WDR47: variants seen among roughly 807,000 people sequenced by gnomAD.
WDR47 encodes the protein WD repeat domain 47, also known as WD repeat-containing protein 47.
Under a neutral mutation model 97.2 loss-of-function variants are expected in WDR47, and 32 were observed. The observed-to-expected ratio is 0.33, with a 90% CI of 0.25 to 0.44. WDR47 has a LOEUF of 0.44. Ranked by LOEUF, WDR47 falls within the 20% of genes least tolerant of loss-of-function variation. The pLI is 1.00. For synonymous variants in WDR47, 375 were observed against 373.5 expected, an observed-to-expected ratio of 1.00 and a Z score of -0.05; for missense variants, 782 against 1,102.3, an observed-to-expected ratio of 0.71 and a Z score of 4.11.
At chr1:108,981,640 T>G (rs1420486339) in intron 13 of WDR47, 93 bp downstream of exon 13, 1 of 1,259,328 alleles carries the variant, frequency 7.9e-7, no homozygotes, top group African/African-American at 1.5e-5. Flanking sequence ...ATTTCACAAT[T>G]TTTTCTATTT....
Position 108,972,820 on chromosome 1 carries a change from G to A in WDR47, c.2618-1248C>T, listed in dbSNP as rs1200624939. Among the ~76,000 whole-genome samples, 6 of 151,892 alleles carry A rather than the reference G, an allele frequency of 4.0e-5. No homozygotes were observed. The South Asian group carries it at 8.3e-4, about 21-fold the overall frequency. On this transcript the variant is annotated intron_variant, in intron 14 of 14. Coordinates refer to ENST00000369962, the MANE Select transcript of WDR47 (RefSeq NM_001142551.2). ...AAATTAGCCAGGTGTGGTGGCGGGC[G>A]CCTGTAGTTCCAGCTACTTGGGAGG...
intron 7 of WDR47, among the ~76,000 whole-genome samples, chr1:108,996,840 A>G (rs1659785045): frequency 6.6e-6 from 1 of 152,188 alleles, no homozygotes. Flanking sequence ...CTCATGGGCC[A>G]GGTGCGGTGA....
chr1:108,973,838 G>A (rs905139730), intron 14 of WDR47, among the ~76,000 whole-genome samples: 24 of 152,016 alleles, frequency 1.6e-4, no homozygotes, highest in Non-Finnish European at 2.9e-5. Context: ...AGCAATAATC[G>A]TGCCACTGCA....
chr1:108,979,905 GGCACCGGGCCACACA>G (rs771904236), intron 13 of WDR47, among the ~76,000 whole-genome samples: 17 of 152,166 alleles, frequency 1.1e-4, no homozygotes, highest in Non-Finnish European at 2.5e-4. Flanking sequence ...TGGCCTGTTA[GGCACCGGGCCACACA>G]GCACGAGGTG....
At chr1:108,974,174 G>A (rs181851408) in intron 14 of WDR47, among the ~76,000 whole-genome samples, 6 of 151,880 alleles carry the variant, frequency 4.0e-5, no homozygotes, top group East Asian at 1.9e-4. Context: ...CAGCCTGGGC[G>A]ACAGAGCGAG....
intron 12 of WDR47, 76 bp from the exon 13 acceptor site, chr1:108,981,940 G>C (rs1416687929): frequency 2.7e-6 from 4 of 1,502,328 alleles, no homozygotes; most frequent in East Asian, 4.8e-5. Flanking sequence ...AAGCACTCTA[G>C]AGTTGGGCAA....
At chr1:109,030,054 C>G in intron 1 of WDR47, 1 of 537,228 alleles carries the variant, frequency 1.9e-6, no homozygotes, top group East Asian at 3.1e-5. Flanking sequence ...GACGACCTAC[C>G]CACAGGAGAA....
At chr1:109,027,420 T>C (rs564386906) in intron 1 of WDR47, among the ~76,000 whole-genome samples, 3 of 152,250 alleles carry the variant, frequency 2.0e-5, no homozygotes, top group East Asian at 1.9e-4. Context: ...CATAGGCACA[T>C]GCTTGATGAC....
chr1:109,016,000 A>C (rs895451916), intron 3 of WDR47, among the ~76,000 whole-genome samples: 5 of 122,760 alleles, frequency 4.1e-5, no homozygotes, highest in South Asian at 2.7e-4. Context: ...AAAAAAAAAA[A>C]CCCAGAAATT....
intron 1 of WDR47, among the ~76,000 whole-genome samples, chr1:109,028,177 C>T (rs1662341905): frequency 6.6e-6 from 1 of 151,860 alleles, no homozygotes; most frequent in Admixed American, 6.6e-5. Flanking sequence ...GAACAGATGA[C>T]TATGGTTTTG....
chr1:109,001,016 C>A (rs573470889), intron 7 of WDR47, among the ~76,000 whole-genome samples: 1 of 151,896 alleles, frequency 6.6e-6, no homozygotes, highest in Non-Finnish European at 1.5e-5. Context: ...TACATAAGAC[C>A]GGGTGTGGTG....
intron 13 of WDR47, among the ~76,000 whole-genome samples, chr1:108,976,786 T>A (rs1316194606): frequency 1.3e-5 from 2 of 152,098 alleles, no homozygotes; most frequent in Non-Finnish European, 2.9e-5. Flanking sequence ...GGAGGAACAT[T>A]TCCAACTAAG....
At chr1:109,016,227 AC>A in intron 3 of WDR47, among the ~76,000 whole-genome samples, 1 of 152,154 alleles carries the variant, frequency 6.6e-6, no homozygotes, top group East Asian at 1.9e-4. Context: ...ACAAAGTCAG[AC>A]CTGGTCTCTA....
chr1:108,970,456 A>G lies in WDR47; in HGVS notation c.*974T>C, dbSNP rs1270605804. 1 of 152,702 alleles carries G rather than the reference A, an allele frequency of 6.5e-6. No homozygotes were observed. The highest frequency in any genetic ancestry group is 2.4e-5 in the African/African-American group (1 of 41,482). 9.5% of individuals were successfully genotyped at this position (152,702 alleles called of 1,614,324 possible). A position where few individuals can be genotyped will look rare whatever the true frequency, so the allele number is the denominator to read the frequency against. On this transcript the variant is annotated 3_prime_UTR_variant, in exon 15 of 15. Coordinates refer to ENST00000369962, the MANE Select transcript of WDR47 (RefSeq NM_001142551.2). ...TGTTAGAATCTACAAAGCTGTAGAA[A>G]TAAAATCATTATTCTGCATTACACA...
At chr1:108,973,913 G>C (rs1408865247) in intron 14 of WDR47, among the ~76,000 whole-genome samples, 1 of 150,136 alleles carries the variant, frequency 6.7e-6, no homozygotes, top group Non-Finnish European at 1.5e-5. Flanking sequence ...TAACAATAAG[G>C]TTGGGCATGA....
intron 13 of WDR47, among the ~76,000 whole-genome samples, chr1:108,979,823 A>G (rs1315910967): frequency 1.3e-5 from 2 of 152,178 alleles, no homozygotes; most frequent in Non-Finnish European, 2.9e-5. Context: ...TTTCTTAATA[A>G]GCCTTATTGA....
chr1:108,974,179 A>C (rs1009612060), intron 14 of WDR47, among the ~76,000 whole-genome samples: 4 of 151,936 alleles, frequency 2.6e-5, no homozygotes, highest in Non-Finnish European at 5.9e-5. Context: ...TGGGCGACAG[A>C]GCGAGACCCT....
intron 7 of WDR47, among the ~76,000 whole-genome samples, chr1:109,000,474 A>T (rs957545553): frequency 3.1e-5 from 4 of 127,670 alleles, no homozygotes; most frequent in Non-Finnish European, 4.7e-5. Flanking sequence ...GCACCACTGC[A>T]CTTCAGCCTG....
chr1:108,982,517 G>A, intron 12 of WDR47, 92 bp downstream of exon 12: 1 of 1,452,500 alleles, frequency 6.9e-7, no homozygotes, highest in Non-Finnish European at 9.3e-7. Flanking sequence ...GTAAGAGCAA[G>A]ACCCTGTCTC....
Sources: allele counts gnomAD v4.1 joint callset (sites outside exome capture counted in the v4.1 genomes callset), GRCh38; gene constraint gnomAD v4.1.1; transcripts MANE v1.5; gene names NCBI Gene and HGNC (gene_info 2026-07-23, HGNC 2026-07-21).